The following DNAH8 variants were observed in gnomAD, a reference collection of about 807,000 sequenced individuals.
DNAH8 encodes the protein axonemal beta dynein heavy chain 8.
In DNAH8, 382 loss-of-function variants were observed where a neutral mutation model predicts 562.1. The ratio of observed to expected loss-of-function variants is 0.68; its 90% CI spans 0.63 to 0.74. The LOEUF (loss-of-function observed/expected upper bound fraction) is 0.74. DNAH8 is among the 30% of genes least tolerant of loss of function. The probability of loss-of-function intolerance (pLI) is 0.00; values close to 1 mark genes in which losing one functional copy is unlikely to be tolerated. For missense variants in DNAH8, 5,203 were observed against 5,620.4 expected (o/e 0.93, Z 2.37); for synonymous variants, 1,881 against 1,919.4 (o/e 0.98, Z 0.52).
chr6:38,840,149 T>G (rs916418293), intron 33 of DNAH8, among the ~76,000 whole-genome samples: 1 of 152,226 alleles, frequency 6.6e-6, no homozygotes, highest in African/African-American at 2.4e-5. Flanking sequence ...GGATTTCATA[T>G]TTTAAATCAT....
chr6:38,826,342 G>A lies in DNAH8; in HGVS notation c.4034G>A (p.Cys1345Tyr), dbSNP rs889316802. 5.0e-6 allele frequency: 8 copies of A among 1,612,492 alleles called. No individual in the cohort carries two copies. The highest frequency in any genetic ancestry group is 6.8e-6 in the Non-Finnish European group (8 of 1,179,398). Residue 1345 changes from cysteine to tyrosine, a missense_variant, in exon 29 of 93, where the codon TGC becomes TAC. Around this residue, in one of 6 missense-constraint regions of DNAH8, gnomAD observed 2,176 missense variants for 2,365.1 expected, o/e 0.92. Transcript: ENST00000327475. ...DVRFAMEALS[C>Y]IRDNEIQMDM... The stretch of plus-strand genomic sequence containing the variant: ...AGATTTGCAATGGAAGCCTTGTCTT[G>A]CATACGTGATAATGAAATTCAAATG...
At chr6:38,749,853 A>G (rs1468681454) in intron 8 of DNAH8, among the ~76,000 whole-genome samples, 1 of 151,976 alleles carries the variant, frequency 6.6e-6, no homozygotes, top group Non-Finnish European at 1.5e-5. Context: ...TTTTTTTGAG[A>G]CAAAGTCTCA....
chr6:38,849,267 A>T (rs12199585), intron 37 of DNAH8, among the ~76,000 whole-genome samples: 13,144 of 152,158 alleles, frequency 0.086, 750 homozygotes, highest in Non-Finnish European at 0.13. Context: ...TCTGAGAATA[A>T]TATTAAAATT....
At chr6:38,890,553 C>T in intron 57 of DNAH8, 99 bp from the exon 58 acceptor site, 1 of 858,542 alleles carries the variant, frequency 1.2e-6, no homozygotes, top group Admixed American at 1.9e-5. Context: ...CTGAACAACA[C>T]CCAGCTTAGT....
chr6:38,974,670 G>T, intron 85 of DNAH8, 141 bp downstream of exon 85: 1 of 657,742 alleles, frequency 1.5e-6, no homozygotes. Flanking sequence ...TTCCCCACCT[G>T]GTATAGTGTA....
intron 27 of DNAH8, 139 bp downstream of exon 27, chr6:38,823,173 C>T (rs147992834): frequency 7.3e-6 from 5 of 685,766 alleles, no homozygotes; most frequent in African/African-American, 5.4e-5. Context: ...CACCTGTCAC[C>T]TTCTAGCTGG....
At chr6:38,951,189 A>G in intron 81 of DNAH8, 129 bp from the exon 82 acceptor site, 1 of 776,520 alleles carries the variant, frequency 1.3e-6, no homozygotes, top group East Asian at 2.6e-5. Context: ...CATTCCTCTT[A>G]CTTAGATGTG....
rs766889733 is a variant in DNAH8, at chr6:39,012,387, G to T, written c.13524+20G>T. ...AGTGAGGTGAGCTGTTATTACATCA[G>T]TAGGCATTTCCTTCTTTGTTGATGT... On this transcript the variant is annotated intron_variant, in intron 90 of 92. Coordinates refer to ENST00000327475, the MANE Select transcript of DNAH8 (RefSeq NM_001206927.2). 6.2e-7 allele frequency: 1 copy of T among 1,608,842 alleles called. No individual in the cohort carries two copies. Among genetic ancestry groups the T allele is most frequent in the Non-Finnish European group, 8.5e-7 (1 of 1,176,112 alleles).
At chr6:38,984,070 A>T in intron 86 of DNAH8, 136 bp from the exon 87 acceptor site, 1 of 574,208 alleles carries the variant, frequency 1.7e-6, no homozygotes, top group Non-Finnish European at 3.1e-6. Flanking sequence ...TTATTAATAT[A>T]AGACGATGAA....
At chr6:38,857,856 G>A (rs575999831) in intron 42 of DNAH8, 114 bp downstream of exon 42, 26 of 665,680 alleles carry the variant, frequency 3.9e-5, no homozygotes, top group African/African-American at 3.1e-4. Context: ...TTTCATAACT[G>A]TCCATCAATA....
In DNAH8 at chr6:38,938,225, A is replaced by G; in HGVS notation, c.11815A>G (p.Arg3939Gly). ...FLKLFDQSMA[R>G]SEKSPLPQKR... is the part of the protein sequence containing the mutation. ...GAAGTTATTTGACCAGTCCATGGCC[A>G]GGTGAGTCCTCACTACCTTCATCCA... The change falls in exon 78 of 93, where the codon AGA (arginine) becomes GGA (glycine). Residue 3939 changes from arginine to glycine, a missense_variant and splice_region_variant. Transcript: ENST00000327475. 4 of 1,605,864 alleles carry G rather than the reference A, an allele frequency of 2.5e-6. No individual in the cohort carries two copies. Among genetic ancestry groups the G allele is most frequent in the Non-Finnish European group, 3.4e-6 (4 of 1,174,940 alleles).
intron 3 of DNAH8, 132 bp downstream of exon 3, chr6:38,723,603 A>AG: frequency 8.4e-7 from 1 of 1,189,576 alleles, no homozygotes; most frequent in Non-Finnish European, 1.2e-6. Context: ...GGCAGGGCAC[A>AG]GTGGCTCATG....
chr6:39,002,546 G>A (rs1765557518), intron 88 of DNAH8, among the ~76,000 whole-genome samples: 1 of 152,134 alleles, frequency 6.6e-6, no homozygotes, highest in Non-Finnish European at 1.5e-5. Flanking sequence ...TGCCTTTTGT[G>A]TCATTTTACT....
chr6:38,900,570 T>C (rs1018253675), intron 62 of DNAH8, among the ~76,000 whole-genome samples: 2 of 152,170 alleles, frequency 1.3e-5, no homozygotes, highest in Non-Finnish European at 2.9e-5. Flanking sequence ...TGAGAGTTGC[T>C]CCGCATCCTT....
chr6:38,790,449 G>T, intron 20 of DNAH8, 44 bp downstream of exon 20: 2 of 902,024 alleles, frequency 2.2e-6, no homozygotes, highest in Non-Finnish European at 3.5e-6. Context: ...ATATACTCAG[G>T]ATATAAGTAA....
Position 39,012,652 on chromosome 6 carries a change from G to A in DNAH8, c.13714+15G>A. 6.2e-7 allele frequency: 1 copy of A among 1,602,126 alleles called. No homozygotes were observed. On this transcript the variant is annotated intron_variant, in intron 91 of 92. Transcript: ENST00000327475. ...TAATCCCCAAGGTATGTGCTCATAGGAGATTTGGCAAGCTTGGAATTTGTG... is the reference window on the plus strand; with the variant it reads ...TAATCCCCAAGGTATGTGCTCATAGAAGATTTGGCAAGCTTGGAATTTGTG...
intron 17 of DNAH8, among the ~76,000 whole-genome samples, chr6:38,785,679 G>T (rs1275821133): frequency 6.6e-6 from 1 of 150,408 alleles, no homozygotes; most frequent in Non-Finnish European, 1.5e-5. Flanking sequence ...TCCCCTCCCT[G>T]TGTCCATGTG....
chr6:38,819,206 G>A (rs1583090867), intron 26 of DNAH8, among the ~76,000 whole-genome samples: 1 of 152,060 alleles, frequency 6.6e-6, no homozygotes, highest in Non-Finnish European at 1.5e-5. Context: ...GGCTAGTTTT[G>A]TGCTTACTGC....
At position 38,790,391 on chromosome 6, in the gene DNAH8, C is replaced by T; in HGVS notation, c.2767C>T (p.Gln923Ter). Residue 923 changes from glutamine to a stop codon, truncating the protein, a stop_gained, in exon 20 of 93, where the codon CAA (glutamine) becomes TAA (stop). Transcript: ENST00000327475. LOFTEE classifies it high-confidence loss of function. Reference sequence around the variant, plus strand: ...CGAATTAGTTTTGGATATGTTCAATCAACTTTTAAAGAAGGTATGATCTAT... The same window carrying T: ...CGAATTAGTTTTGGATATGTTCAATTAACTTTTAAAGAAGGTATGATCTAT... ...EVELVLDMFN[Q>*]LLKKISDLCE... 1 of 1,555,990 alleles carries T rather than the reference C, an allele frequency of 6.4e-7. No individual in the cohort carries two copies. Among genetic ancestry groups the T allele is most frequent in the Non-Finnish European group, 8.8e-7 (1 of 1,134,882 alleles).
Sources: gnomAD v4.1 joint callset for allele counts (sites outside exome capture counted in the v4.1 genomes callset) on GRCh38, gnomAD v4.1.1 for gene constraint, gnomAD v4.1.1 regional missense constraint, MANE v1.5 for transcripts, NCBI Gene and HGNC (gene_info 2026-07-23, HGNC 2026-07-21) for gene names.